The following SHISA6 variants were observed in gnomAD, a reference collection of about 807,000 sequenced individuals.
SHISA6 encodes the protein shisa family member 6.
Under a neutral mutation model 47.9 loss-of-function variants are expected in SHISA6, and 22 were observed. The observed-to-expected ratio is 0.46, with a 90% CI of 0.33 to 0.66. SHISA6 has a LOEUF of 0.66. Ranked by LOEUF, SHISA6 falls within the 30% of genes least tolerant of loss-of-function variation. The pLI is 0.02. For synonymous variants in SHISA6, 388 were observed against 337.8 expected (o/e 1.15, Z -1.63); for missense variants, 680 against 764.6 (o/e 0.89, Z 1.30).
chr17:11,357,272 G>A (rs1912111788), intron 2 of SHISA6, among the ~76,000 whole-genome samples: 2 of 151,812 alleles, frequency 1.3e-5, no homozygotes, highest in Non-Finnish European at 2.9e-5. Flanking sequence ...GGTGGTAAGA[G>A]GAGGCTGTGC....
At chr17:11,276,392 A>G (rs1478525640) in intron 2 of SHISA6, among the ~76,000 whole-genome samples, 1 of 152,152 alleles carries the variant, frequency 6.6e-6, no homozygotes, top group African/African-American at 2.4e-5. Flanking sequence ...AATGTCAGTG[A>G]TGGAAGATGT....
intron 2 of SHISA6, among the ~76,000 whole-genome samples, chr17:11,375,794 C>G (rs563676011): frequency 6.6e-6 from 1 of 152,128 alleles, no homozygotes; most frequent in African/African-American, 2.4e-5. Flanking sequence ...TGAGCAGCGA[C>G]TGAGCTAAAA....
At chr17:11,523,043 G>A (rs191644880) in intron 3 of SHISA6, among the ~76,000 whole-genome samples, 33 of 152,200 alleles carry the variant, frequency 2.2e-4, no homozygotes, top group East Asian at 5.8e-4. Context: ...GTTTATGCCC[G>A]GTTTCTTAGC....
chr17:11,289,134 G>C (rs188738248), intron 2 of SHISA6: 1 of 152,180 alleles, frequency 6.6e-6, no homozygotes, highest in Admixed American at 6.5e-5. Context: ...TTTAAATTGA[G>C]AATGGATGTT....
chr17:11,256,065 C>A (rs2142140660), intron 1 of SHISA6, among the ~76,000 whole-genome samples: 1 of 152,320 alleles, frequency 6.6e-6, no homozygotes, highest in East Asian at 1.9e-4. Context: ...ACTTAAGTAG[C>A]TTGCTAACAA....
At chr17:11,460,476 C>G (rs1915663629) in intron 3 of SHISA6, among the ~76,000 whole-genome samples, 1 of 152,228 alleles carries the variant, frequency 6.6e-6, no homozygotes, top group Non-Finnish European at 1.5e-5. Context: ...ACCACAACCT[C>G]CACCTCCCGG....
chr17:11,338,658 C>T (rs1424402333), intron 2 of SHISA6, among the ~76,000 whole-genome samples: 1 of 151,964 alleles, frequency 6.6e-6, no homozygotes, highest in Admixed American at 6.6e-5. Context: ...ATCTGCCCGC[C>T]TTGGTCCTCA....
chr17:11,530,323 T>C (rs1353147379), intron 3 of SHISA6, among the ~76,000 whole-genome samples: 1 of 152,200 alleles, frequency 6.6e-6, no homozygotes, highest in Admixed American at 6.5e-5. Flanking sequence ...TAAGCTACCA[T>C]TGACAGTCAT....
At chr17:11,497,072 C>T (rs75962094) in intron 3 of SHISA6, among the ~76,000 whole-genome samples, 7,252 of 152,258 alleles carry the variant, frequency 0.048, 221 homozygotes, top group Middle Eastern at 0.068. Flanking sequence ...TGGGGGGACC[C>T]CCAGAACCAT....
rs533448970 is a variant in SHISA6, at chr17:11,407,458, T to A, written c.895+27949T>A. Among the ~76,000 whole-genome samples the A allele has an allele frequency of 1.5e-3, 231 of 151,762 alleles. 1 individual carries two copies. Among genetic ancestry groups the A allele is most frequent in the Middle Eastern group, 6.8e-3 (2 of 294 alleles). The stretch of plus-strand genomic sequence containing the variant: ...GAATGGACCATCAGGGTTCTCTATC[T>A]TATTGAAGTAGCAGTCCTCAAAGTT... On this transcript the variant is annotated intron_variant, in intron 3 of 5. Transcript: ENST00000441885.
At chr17:11,242,395 G>T in intron 1 of SHISA6, among the ~76,000 whole-genome samples, 1 of 152,192 alleles carries the variant, frequency 6.6e-6, no homozygotes, top group East Asian at 1.9e-4. Flanking sequence ...GGGCACTTTG[G>T]TGTAGGTTCT....
At chr17:11,457,627 G>C (rs1915575102) in intron 3 of SHISA6, among the ~76,000 whole-genome samples, 1 of 151,360 alleles carries the variant, frequency 6.6e-6, no homozygotes, top group Admixed American at 6.6e-5. Context: ...TGTAGTCGCA[G>C]CTACTTGGGA....
intron 2 of SHISA6, among the ~76,000 whole-genome samples, chr17:11,373,619 C>G (rs1912697609): frequency 6.6e-6 from 1 of 152,118 alleles, no homozygotes; most frequent in Non-Finnish European, 1.5e-5. Flanking sequence ...TGTTATGTTG[C>G]ATATTTTAAA....
intron 3 of SHISA6, among the ~76,000 whole-genome samples, chr17:11,436,598 T>C (rs1407722565): frequency 6.6e-6 from 1 of 152,186 alleles, no homozygotes; most frequent in Non-Finnish European, 1.5e-5. Flanking sequence ...ACTACTTGTT[T>C]AATGTGCTTT....
At chr17:11,530,626 C>T (rs1313291395) in intron 3 of SHISA6, among the ~76,000 whole-genome samples, 1 of 152,190 alleles carries the variant, frequency 6.6e-6, no homozygotes, top group African/African-American at 2.4e-5. Flanking sequence ...TTCCTTCAGA[C>T]ATCCCCCGCT....
At chr17:11,274,392 A>G (rs1908797636) in intron 2 of SHISA6, among the ~76,000 whole-genome samples, 2 of 152,222 alleles carry the variant, frequency 1.3e-5, no homozygotes, top group African/African-American at 4.8e-5. Flanking sequence ...ATGAGTTGGC[A>G]AAACGAAGGA....
chr17:11,511,016 C>T (rs1321747684), intron 3 of SHISA6, among the ~76,000 whole-genome samples: 1 of 152,080 alleles, frequency 6.6e-6, no homozygotes, highest in Admixed American at 6.5e-5. Context: ...AGGAAGAGCA[C>T]CCACCTCATA....
At chr17:11,402,837 A>C (rs889527959) in intron 3 of SHISA6, among the ~76,000 whole-genome samples, 1 of 152,234 alleles carries the variant, frequency 6.6e-6, no homozygotes, top group Non-Finnish European at 1.5e-5. Flanking sequence ...GGGAACCAGC[A>C]ATGGTGTGGA....
intron 2 of SHISA6, among the ~76,000 whole-genome samples, chr17:11,359,664 A>G (rs1281125688): frequency 3.9e-5 from 6 of 152,226 alleles, no homozygotes; most frequent in African/African-American, 1.4e-4. Flanking sequence ...CTCTTAGTTT[A>G]TAATCTGGAG....
Sources: gnomAD v4.1 joint callset for allele counts (sites outside exome capture counted in the v4.1 genomes callset) on GRCh38, gnomAD v4.1.1 for gene constraint, MANE v1.5 for transcripts, NCBI Gene and HGNC (gene_info 2026-07-23, HGNC 2026-07-21) for gene names.